RGN: variants seen among roughly 807,000 people sequenced by gnomAD.
RGN encodes the protein regucalcin.
RGN carries 19 observed loss-of-function variants against 20.6 expected under a neutral mutation model. The ratio of observed to expected loss-of-function variants is 0.92; its 90% confidence interval spans 0.64 to 1.35. RGN has a LOEUF of 1.35. Ranked by LOEUF, RGN falls within the 40% of genes most tolerant of loss-of-function variation. RGN has a pLI of 0.00. For synonymous variants in RGN, 85 were observed against 87.2 expected (o/e 0.97, Z 0.14); for missense variants, 302 against 232.7 (o/e 1.30, Z -1.94).
rs1556386744 is a variant in RGN, at chrX:47,089,926, A to G, written c.497A>G (p.Tyr166Cys). 1.7e-6 allele frequency: 2 copies of G among 1,209,616 alleles called. No individual in the cohort carries two copies. The highest frequency in any genetic ancestry group is 4.4e-5 in the Admixed American group (2 of 45,761). Reference protein sequence around the residue: ...LDWSLDHKIFYYIDSLSYSVD... With the variant: ...LDWSLDHKIFCYIDSLSYSVD... ...TGGTCGCTAGACCACAAAATCTTCT[A>G]TTACATTGACAGCCTGTCCTACTCC... is the stretch of plus-strand genomic sequence containing the variant. Residue 166 changes from tyrosine to cysteine, a missense_variant, in exon 5 of 8, where the codon TAT becomes TGT. Transcript: ENST00000397180.
chrX:47,085,267 C>T (rs1930535128), intron 4 of RGN, among the ~76,000 whole-genome samples: 1 of 111,236 alleles, frequency 9.0e-6, no homozygotes, highest in Non-Finnish European at 1.9e-5. Context: ...GCCTGTAATC[C>T]CAGCACTTTG....
In RGN at chrX:47,088,949, AAG is replaced by A. The variant is rs782503964; in HGVS notation, c.347-825_347-824del. 6.7e-3 allele frequency among the ~76,000 whole-genome samples: 530 copies of A among 79,557 alleles called. 13 individuals carry two copies. The highest frequency in any genetic ancestry group is 8.7e-3 in the East Asian group (20 of 2,295). 69.1% of individuals were successfully genotyped at this position (79,557 alleles called of 115,157 possible). On this transcript the variant is annotated intron_variant, in intron 4 of 7. Coordinates refer to ENST00000397180, the MANE Select transcript of RGN (RefSeq NM_152869.4). The stretch of plus-strand genomic sequence containing the variant: ...ACTCTGCCAAAAAAAAAAAAAAAAG[AAG>A]AAGAAGAAGAAGAAGATAGAAGAAG...
rs146720462 is a variant in RGN, at chrX:47,081,244, A to C, written c.100A>C (p.Ile34Leu). 1 of 1,209,873 alleles carries C rather than the reference A, an allele frequency of 8.3e-7. No individual in the cohort carries two copies. Residue 34 changes from isoleucine to leucine, a missense_variant, in exon 3 of 8, where the codon ATT becomes CTT. Coordinates refer to ENST00000397180, the MANE Select transcript of RGN (RefSeq NM_152869.4). Reference sequence around the variant, plus strand: ...GTCCAACTCTCTGCTCTTTGTAGACATTCCTGCAAAAAAGGTTTGCCGGTG... The same window carrying C: ...GTCCAACTCTCTGCTCTTTGTAGACCTTCCTGCAAAAAAGGTTTGCCGGTG... ...EVSNSLLFVD[I>L]PAKKVCRWDS...
intron 5 of RGN, among the ~76,000 whole-genome samples, chrX:47,090,915 G>GAAGGAAAGAAA (rs1172006104): frequency 1.9e-5 from 1 of 51,893 alleles, no homozygotes; most frequent in African/African-American, 9.3e-5. Flanking sequence ...GAAAGAAGAA[G>GAAGGAAAGAAA]GAAAGAAAGA....
At chrX:47,089,741 A>G (rs781880265) in intron 4 of RGN, 35 bp from the exon 5 acceptor site, 15 of 1,095,855 alleles carry the variant, frequency 1.4e-5, no homozygotes, top group Non-Finnish European at 1.7e-5. Context: ...GTAAGATGCT[A>G]TGGGGCAGAG....
At chrX:47,084,971 AAAGT>A (rs1253427615) in intron 4 of RGN, 10 of 140,196 alleles carry the variant, frequency 7.1e-5, no homozygotes, top group East Asian at 1.8e-4. Context: ...AGAAAGAAAG[AAAGT>A]AAGTAAGTTA....
chrX:47,089,844 C>G lies in RGN; in HGVS notation c.415C>G (p.Pro139Ala), dbSNP rs1556386607. Reference sequence around the variant, plus strand: ...CCAGGGGGCCCTGTACTCCCTCTTTCCTGATCACCACGTGAAAAAGTACTT... The same window carrying G: ...CCAGGGGGCCCTGTACTCCCTCTTTGCTGATCACCACGTGAAAAAGTACTT... ...RHQGALYSLF[P>A]DHHVKKYFDQ... is the part of the protein sequence containing the mutation. Residue 139 changes from proline to alanine, a missense_variant, in exon 5 of 8, where the codon CCT becomes GCT. Transcript: ENST00000397180. 1 of 1,209,110 alleles carries G rather than the reference C, an allele frequency of 8.3e-7. No homozygotes were observed. Among genetic ancestry groups the G allele is most frequent in the Admixed American group, 2.2e-5 (1 of 45,498 alleles).
intron 4 of RGN, among the ~76,000 whole-genome samples, 182 bp from the exon 5 acceptor site, chrX:47,089,594 T>C (rs1483568465): frequency 9.7e-5 from 4 of 41,344 alleles, no homozygotes; most frequent in African/African-American, 1.6e-4. Flanking sequence ...TATATATATA[T>C]ATATACACAC....
chrX:47,084,553 A>G lies in RGN; in HGVS notation c.299A>G (p.Asn100Ser), dbSNP rs782163952. ...ACGGTGGATAACGACAAGAAAAACA[A>G]TCGCTTCAATGATGGGAAGGTGGAT... ...LATVDNDKKN[N>S]RFNDGKVDPA... The change falls in exon 4 of 8, where the codon AAT becomes AGT. Residue 100 changes from asparagine to serine, a missense_variant. Physicochemically the swap from Asn to Ser is conservative, Grantham distance 46. Transcript: ENST00000397180. The G allele has an allele frequency of 2.2e-5, 26 of 1,199,135 alleles. No homozygotes were observed. The highest frequency in any genetic ancestry group is 2.8e-5 in the Non-Finnish European group (25 of 889,052).
chrX:47,083,325 G>T (rs1306762764), intron 3 of RGN, among the ~76,000 whole-genome samples: 1 of 109,110 alleles, frequency 9.2e-6, no homozygotes, highest in Non-Finnish European at 1.9e-5. Flanking sequence ...TTTGAACCTG[G>T]GAGGCGGAGG....
chrX:47,089,887 C>G lies in RGN; in HGVS notation c.458C>G (p.Ser153Cys). The part of the protein sequence containing the change: ...VKKYFDQVDI[S>C]NGLDWSLDHK... ...AAGTACTTTGACCAGGTGGACATTT[C>G]CAATGGTTTGGATTGGTCGCTAGAC... The change falls in exon 5 of 8, where the codon TCC becomes TGC. Residue 153 changes from serine (S) to cysteine (C), a missense_variant. By Grantham distance (112) the Ser-to-Cys change is moderately radical. Coordinates refer to ENST00000397180, the MANE Select transcript of RGN (RefSeq NM_152869.4). 1 of 1,208,957 alleles carries G rather than the reference C, an allele frequency of 8.3e-7. No individual in the cohort carries two copies. Among genetic ancestry groups the G allele is most frequent in the East Asian group, 3.0e-5 (1 of 33,790 alleles).
chrX:47,089,579 T>TTATATA (rs1251687681), intron 4 of RGN, among the ~76,000 whole-genome samples, 197 bp from the exon 5 acceptor site: 1 of 44,129 alleles, frequency 2.3e-5, no homozygotes, highest in African/African-American at 8.3e-5. Context: ...TATATATACT[T>TTATATA]TATATATATA....
At position 47,092,860 on chromosome X, in the gene RGN, C is replaced by A. The variant is rs184232619; in HGVS notation, c.850-37C>A. 8 of 1,130,295 alleles carry A rather than the reference C, an allele frequency of 7.1e-6. No individual in the cohort carries two copies. The Admixed American group carries it at 1.6e-4, about 22-fold the overall frequency. The allele number at this position is 1,130,295 out of a possible 1,213,427, so 93.1% of individuals were successfully genotyped here. On this transcript the variant is annotated intron_variant, in intron 7 of 7. Coordinates refer to ENST00000397180, the MANE Select transcript of RGN (RefSeq NM_152869.4). The stretch of plus-strand genomic sequence containing the variant: ...GCTTTTGAAGAATACTTGTGAATTA[C>A]CTTTCACCTGAGATTCCCTCTTTTC...
chrX:47,086,615 G>A (rs782191507), intron 4 of RGN, among the ~76,000 whole-genome samples: 272 of 109,407 alleles, frequency 2.5e-3, no homozygotes, highest in Non-Finnish European at 3.3e-3. Context: ...GCAGAGGTCT[G>A]AAAGATCCAC....
chrX:47,092,176 G>T lies in RGN; in HGVS notation c.810G>T (p.Glu270Asp). The change falls in exon 7 of 8, where the codon GAG (glutamate) becomes GAT (aspartate). Residue 270 changes from glutamate (E) to aspartate (D), a missense_variant. Transcript: ENST00000397180. ...VTCARDGMDPEGLLRQPEAGG... is the reference protein window; with the variant it reads ...VTCARDGMDPDGLLRQPEAGG... ...GCGCCCGGGATGGGATGGACCCCGA[G>T]GGTCTTTTGAGGCAACCTGAAGCTG... is the stretch of plus-strand genomic sequence containing the variant. 7 of 1,193,630 alleles carry T rather than the reference G, an allele frequency of 5.9e-6. No homozygotes were observed. The highest frequency in any genetic ancestry group is 7.9e-6 in the Non-Finnish European group (7 of 885,654).
intron 3 of RGN, 66 bp from the exon 4 acceptor site, chrX:47,084,352 C>T (rs1462803720): frequency 1.0e-6 from 1 of 968,633 alleles, no homozygotes; most frequent in Middle Eastern, 3.5e-4. Flanking sequence ...CCAGGTAGCA[C>T]AGTGATCTCA....
intron 6 of RGN, 113 bp downstream of exon 6, chrX:47,091,922 A>G: frequency 9.8e-7 from 1 of 1,016,469 alleles, no homozygotes; most frequent in South Asian, 2.4e-5. Flanking sequence ...CTCAAAATAA[A>G]TTGTCAGGGA....
At chrX:47,086,867 T>C (rs1488161394) in intron 4 of RGN, among the ~76,000 whole-genome samples, 1 of 110,004 alleles carries the variant, frequency 9.1e-6, no homozygotes, top group African/African-American at 3.3e-5. Context: ...CCATCACTTA[T>C]GCCATATGCT....
At chrX:47,084,894 G>T (rs935465033) in intron 4 of RGN, 8 of 246,039 alleles carry the variant, frequency 3.3e-5, no homozygotes, top group Non-Finnish European at 5.7e-5. Flanking sequence ...GTTTGAGGCT[G>T]CAGTGAGCCA....
Sources: gnomAD v4.1 joint callset for allele counts (sites outside exome capture counted in the v4.1 genomes callset) on GRCh38, gnomAD v4.1.1 for gene constraint, MANE v1.5 for transcripts, NCBI Gene and HGNC (gene_info 2026-07-23, HGNC 2026-07-21) for gene names.